F13A1: variants seen among roughly 807,000 people sequenced by gnomAD.
The protein encoded by F13A1 is FSF, A subunit.
Under a neutral mutation model 80.1 loss-of-function variants are expected in F13A1, and 47 were observed. The ratio of observed to expected loss-of-function variants is 0.59; its 90% CI spans 0.46 to 0.75. The LOEUF is 0.75. F13A1 is among the 30% of genes least tolerant of loss of function. The probability of loss-of-function intolerance (pLI) is 0.00; values close to 1 mark genes in which losing one functional copy is unlikely to be tolerated. For synonymous variants in F13A1, 349 were observed against 344.9 expected, an observed-to-expected ratio of 1.01 and a Z score of -0.13; for missense variants, 817 against 930.4, an observed-to-expected ratio of 0.88 and a Z score of 1.59.
chr6:6,263,066 C>G (rs528464993), intron 4 of F13A1, among the ~76,000 whole-genome samples: 26 of 152,332 alleles, frequency 1.7e-4, no homozygotes, highest in African/African-American at 5.8e-4. Flanking sequence ...AACCACCGTC[C>G]TCTCTCTGGA....
intron 8 of F13A1, 30 bp from the exon 9 acceptor site, chr6:6,197,356 A>G (rs746281642): frequency 1.3e-6 from 2 of 1,586,594 alleles, no homozygotes; most frequent in Non-Finnish European, 1.7e-6. Context: ...GAAAGGTTAA[A>G]CTTCCCATCA....
chr6:6,276,497 G>A (rs1259405436), intron 3 of F13A1, among the ~76,000 whole-genome samples: 2 of 152,184 alleles, frequency 1.3e-5, no homozygotes, highest in African/African-American at 2.4e-5. Flanking sequence ...ATTGCCTCCA[G>A]TAAGCTCCCA....
chr6:6,271,478 G>A (rs911766944), intron 3 of F13A1, among the ~76,000 whole-genome samples: 32 of 152,250 alleles, frequency 2.1e-4, no homozygotes, highest in African/African-American at 7.2e-4. Context: ...CTCCATGCAC[G>A]TGTTTGCCTA....
At chr6:6,233,511 C>T (rs1003542065) in intron 6 of F13A1, among the ~76,000 whole-genome samples, 1 of 151,996 alleles carries the variant, frequency 6.6e-6, no homozygotes, top group African/African-American at 2.4e-5. Context: ...GAGAATTCTA[C>T]CAGACATTCA....
chr6:6,261,163 T>C (rs1174867984), intron 4 of F13A1, among the ~76,000 whole-genome samples: 2 of 152,156 alleles, frequency 1.3e-5, no homozygotes, highest in African/African-American at 4.8e-5. Context: ...GAGATGGGGT[T>C]TCACCATGTT....
chr6:6,280,653 TGA>T (rs1758047812), intron 3 of F13A1, among the ~76,000 whole-genome samples: 1 of 152,190 alleles, frequency 6.6e-6, no homozygotes, highest in African/African-American at 2.4e-5. Flanking sequence ...GAAACCGTAT[TGA>T]GGTTGGACCA....
At chr6:6,279,748 G>T (rs1758036354) in intron 3 of F13A1, among the ~76,000 whole-genome samples, 1 of 152,184 alleles carries the variant, frequency 6.6e-6, no homozygotes, top group South Asian at 2.1e-4. Context: ...TATATGAGCA[G>T]AATGAGCCTT....
intron 8 of F13A1, among the ~76,000 whole-genome samples, chr6:6,211,690 A>G (rs1051995375): frequency 6.6e-6 from 1 of 152,282 alleles, no homozygotes; most frequent in Non-Finnish European, 1.5e-5. Context: ...ATGGCCGAAT[A>G]GGAACAGCTC....
Position 6,188,941 on chromosome 6 carries a change from C to T in F13A1, c.1306-6800G>A, listed in dbSNP as rs1386172205. 6.2e-5 allele frequency among the ~76,000 whole-genome samples: 4 copies of T among 64,824 alleles called. 1 individual carries two copies. The highest frequency in any genetic ancestry group is 4.7e-4 in the Admixed American group (3 of 6,448). 42.5% of individuals were successfully genotyped at this position (64,824 alleles called of 152,430 possible). A position where few individuals can be genotyped will look rare whatever the true frequency, so the allele number is the denominator to read the frequency against. ...GTGCATATATATTTAGGATAGTTAGCTCTTCTTGTTGAATTGATCCCTTTA... is the reference window on the plus strand; with the variant it reads ...GTGCATATATATTTAGGATAGTTAGTTCTTCTTGTTGAATTGATCCCTTTA... On this transcript the variant is annotated intron_variant, in intron 10 of 14. Transcript: ENST00000264870.
chr6:6,225,055 C>T (rs574655744), intron 6 of F13A1, among the ~76,000 whole-genome samples, 195 bp from the exon 7 acceptor site: 3 of 152,138 alleles, frequency 2.0e-5, no homozygotes, highest in Admixed American at 6.5e-5. Flanking sequence ...AAGAGGAGAC[C>T]AAGTAACCAA....
intron 6 of F13A1, among the ~76,000 whole-genome samples, chr6:6,239,567 A>G (rs950366872): frequency 6.6e-6 from 1 of 152,194 alleles, no homozygotes; most frequent in African/African-American, 2.4e-5. Context: ...AAGCTCTGAT[A>G]GGGGTGGGTA....
At chr6:6,174,409 A>AAG (rs3837028) in intron 12 of F13A1, among the ~76,000 whole-genome samples, 171 bp downstream of exon 12, 16 of 151,806 alleles carry the variant, frequency 1.1e-4, no homozygotes, top group African/African-American at 3.9e-4. Context: ...AAATAAAAAA[A>AAG]AAGAAAGTGG....
chr6:6,256,618 GAA>G (rs776236563), intron 4 of F13A1, among the ~76,000 whole-genome samples: 1 of 152,068 alleles, frequency 6.6e-6, no homozygotes, highest in African/African-American at 2.4e-5. Flanking sequence ...AGTTAAAAAA[GAA>G]AAGAGTGGGC....
chr6:6,258,184 C>T (rs1318351833), intron 4 of F13A1, among the ~76,000 whole-genome samples: 1 of 152,036 alleles, frequency 6.6e-6, no homozygotes, highest in Non-Finnish European at 1.5e-5. Context: ...AGTCAGGATG[C>T]TCCAGGGTTA....
At chr6:6,246,142 AT>A (rs879667651) in intron 6 of F13A1, among the ~76,000 whole-genome samples, 5 of 152,018 alleles carry the variant, frequency 3.3e-5, no homozygotes, top group African/African-American at 7.2e-5. Flanking sequence ...AAATTTAAAG[AT>A]TTTTTTTGTC....
intron 3 of F13A1, among the ~76,000 whole-genome samples, chr6:6,293,598 C>T (rs1416856054): frequency 6.6e-6 from 1 of 151,852 alleles, no homozygotes; most frequent in African/African-American, 2.4e-5. Context: ...ACCCCTGCAG[C>T]ACAGCTCATC....
At chr6:6,222,946 A>T (rs1450488619) in intron 7 of F13A1, among the ~76,000 whole-genome samples, 7 of 152,152 alleles carry the variant, frequency 4.6e-5, no homozygotes. Context: ...TAATGCCCCA[A>T]ACAACAGTGG....
At chr6:6,273,438 CTT>C (rs1443776114) in intron 3 of F13A1, among the ~76,000 whole-genome samples, 2 of 152,108 alleles carry the variant, frequency 1.3e-5, no homozygotes, top group African/African-American at 2.4e-5. Context: ...AAGAAAGAAA[CTT>C]TTTTATTTCT....
chr6:6,167,376 AC>A, intron 13 of F13A1, 81 bp downstream of exon 13: 1 of 1,374,952 alleles, frequency 7.3e-7, no homozygotes. Context: ...ACACACACAC[AC>A]ATACAAGCAC....
Sources: allele counts gnomAD v4.1 joint callset (sites outside exome capture counted in the v4.1 genomes callset), GRCh38; gene constraint gnomAD v4.1.1; transcripts MANE v1.5; gene names NCBI Gene and HGNC (gene_info 2026-07-23, HGNC 2026-07-21).